The following RTKN2 variants were observed in gnomAD, a reference collection of about 807,000 sequenced individuals.
The protein encoded by RTKN2 is rhotekin 2.
A neutral mutation model predicts 71.5 loss-of-function variants in RTKN2; 69 were observed. The observed-to-expected ratio is 0.96, with a 90% CI of 0.79 to 1.18. The LOEUF (loss-of-function observed/expected upper bound fraction) is 1.18, where lower values mean the gene tolerates loss of function less well. Ranked by LOEUF, RTKN2 falls within the 50% of genes most tolerant of loss-of-function variation. RTKN2 has a pLI of 0.00. For missense variants in RTKN2, 724 were observed against 719.7 expected, an observed-to-expected ratio of 1.01 and a Z score of -0.07; for synonymous variants, 236 against 236.5, an observed-to-expected ratio of 1.00 and a Z score of 0.02.
intron 2 of RTKN2, among the ~76,000 whole-genome samples, 155 bp downstream of exon 2, chr10:62,262,470 C>T (rs1037918504): frequency 1.8e-4 from 28 of 152,148 alleles, no homozygotes; most frequent in African/African-American, 6.0e-4. Context: ...TGAGCTGTGT[C>T]GGCAAACTGT....
At chr10:62,217,077 C>T in intron 9 of RTKN2, 41 bp downstream of exon 9, 1 of 1,484,484 alleles carries the variant, frequency 6.7e-7, no homozygotes, top group Non-Finnish European at 9.0e-7. Context: ...AACAAACTTC[C>T]TAAGATGTAT....
chr10:62,215,099 A>G, intron 9 of RTKN2: 1 of 1,463,322 alleles, frequency 6.8e-7, no homozygotes, highest in Non-Finnish European at 9.3e-7. Context: ...TGACTTCAAA[A>G]ATATCATTTG....
intron 2 of RTKN2, among the ~76,000 whole-genome samples, chr10:62,256,753 G>A (rs891177517): frequency 6.6e-6 from 1 of 151,800 alleles, no homozygotes; most frequent in Non-Finnish European, 1.5e-5. Flanking sequence ...AATATATATA[G>A]CAAGCTATTA....
chr10:62,188,095 T>G (rs1037449719), downstream of RTKN2, among the ~76,000 whole-genome samples: 2 of 152,208 alleles, frequency 1.3e-5, no homozygotes, highest in Non-Finnish European at 2.9e-5. Context: ...CCCCAAAACT[T>G]AGTGGTTAAA....
intron 1 of RTKN2, among the ~76,000 whole-genome samples, chr10:62,263,766 C>T (rs1411934183): frequency 6.6e-6 from 1 of 152,152 alleles, no homozygotes; most frequent in African/African-American, 2.4e-5. Context: ...CTATCTGGAA[C>T]AGAGCTTTAG....
chr10:62,267,127 C>T (rs1450702064), intron 1 of RTKN2, among the ~76,000 whole-genome samples: 2 of 152,202 alleles, frequency 1.3e-5, no homozygotes, highest in Non-Finnish European at 2.9e-5. Flanking sequence ...TTGCAACCTA[C>T]TACTATTTTG....
At chr10:62,250,336 G>A (rs566323475) in intron 2 of RTKN2, among the ~76,000 whole-genome samples, 83 of 152,274 alleles carry the variant, frequency 5.5e-4, no homozygotes, top group Middle Eastern at 3.4e-3. Flanking sequence ...CCTTGGCTAC[G>A]AAGAAAAAGA....
At chr10:62,261,284 A>G (rs1056747798) in intron 2 of RTKN2, among the ~76,000 whole-genome samples, 21 of 152,200 alleles carry the variant, frequency 1.4e-4, no homozygotes, top group Admixed American at 1.2e-3. Flanking sequence ...TAAAATCTCA[A>G]TTTTCAAAAT....
intron 6 of RTKN2, among the ~76,000 whole-genome samples, chr10:62,228,307 C>T (rs1275417007): frequency 6.6e-6 from 1 of 152,112 alleles, no homozygotes; most frequent in Non-Finnish European, 1.5e-5. Flanking sequence ...AAGTGGTATT[C>T]TAGACGCCAT....
chr10:62,212,461 G>T (rs1364167571), intron 9 of RTKN2, among the ~76,000 whole-genome samples: 1 of 152,082 alleles, frequency 6.6e-6, no homozygotes, highest in Non-Finnish European at 1.5e-5. Context: ...CAGCACTTTG[G>T]GAGGCTGAGG....
chr10:62,250,629 A>G (rs1842562609), intron 2 of RTKN2, among the ~76,000 whole-genome samples: 1 of 152,116 alleles, frequency 6.6e-6, no homozygotes, highest in South Asian at 2.1e-4. Flanking sequence ...CATAAGTTTT[A>G]TTATTTTTAT....
chr10:62,217,056 G>T (rs1841783876), intron 9 of RTKN2, 62 bp downstream of exon 9: 2 of 1,257,714 alleles, frequency 1.6e-6, no homozygotes, highest in Non-Finnish European at 1.1e-6. Context: ...AATGTAAACT[G>T]CACAGACAAA....
At chr10:62,250,912 T>C (rs1842568606) in intron 2 of RTKN2, among the ~76,000 whole-genome samples, 1 of 152,242 alleles carries the variant, frequency 6.6e-6, no homozygotes, top group African/African-American at 2.4e-5. Flanking sequence ...ATTATAGTCA[T>C]GAGCCACTGT....
chr10:62,202,027 G>A (rs1285617838), intron 10 of RTKN2, among the ~76,000 whole-genome samples: 3 of 152,044 alleles, frequency 2.0e-5, no homozygotes, highest in Non-Finnish European at 4.4e-5. Flanking sequence ...AGCTCCTAAT[G>A]TAACTCAATA....
downstream of RTKN2, among the ~76,000 whole-genome samples, chr10:62,188,514 G>A (rs1489157525): frequency 6.6e-6 from 1 of 152,154 alleles, no homozygotes; most frequent in Non-Finnish European, 1.5e-5. Flanking sequence ...AGGGAAGAGT[G>A]TCAGAGAGTT....
chr10:62,259,663 C>T (rs534438088), intron 2 of RTKN2, among the ~76,000 whole-genome samples: 7 of 152,252 alleles, frequency 4.6e-5, no homozygotes, highest in East Asian at 1.9e-4. Flanking sequence ...GCAATCCTCC[C>T]GCCTCAGTCT....
At chr10:62,226,873 A>T (rs1358561684) in intron 6 of RTKN2, among the ~76,000 whole-genome samples, 5 of 152,230 alleles carry the variant, frequency 3.3e-5, no homozygotes, top group African/African-American at 1.2e-4. Flanking sequence ...AGGCAGGAGA[A>T]TTGCTTGAAC....
At chr10:62,236,733 G>A (rs1842266901) in intron 5 of RTKN2, among the ~76,000 whole-genome samples, 1 of 151,958 alleles carries the variant, frequency 6.6e-6, no homozygotes, top group Non-Finnish European at 1.5e-5. Context: ...TGGTAAAACA[G>A]ATAAAGAAAA....
rs565550070 is a variant in RTKN2 at position 62,258,435 on chromosome 10, CCA to C, written c.257+4188_257+4189del. Among the ~76,000 whole-genome samples the C allele has an allele frequency of 3.9e-3, 597 of 152,228 alleles. 1 individual carries two copies. The highest frequency in any genetic ancestry group is 0.014 in the African/African-American group (562 of 41,542). On this transcript the variant is annotated intron_variant, in intron 2 of 11. Transcript: ENST00000373789. ...TCTATTAGAAAAGCCCTAAAGAAAT[CCA>C]CACACAGTTTTGATTTCCTCATTTC...
Sources: gnomAD v4.1 joint callset for allele counts (sites outside exome capture counted in the v4.1 genomes callset) on GRCh38, gnomAD v4.1.1 for gene constraint, MANE v1.5 for transcripts, NCBI Gene and HGNC (gene_info 2026-07-23, HGNC 2026-07-21) for gene names.